SMCP: variants seen among roughly 807,000 people sequenced by gnomAD.
SMCP encodes sperm mitochondria associated cysteine rich protein, also known as sperm mitochondrial-associated cysteine-rich protein.
For synonymous variants in SMCP, 41 were observed against 46.9 expected (o/e 0.87, Z 0.51); for missense variants, 137 against 137.1 (o/e 1.00, Z 0.01).
chr1:152,878,750 T>A lies in SMCP; in HGVS notation c.-21+304T>A, dbSNP rs190905397. On this transcript the variant is annotated intron_variant, in intron 1 of 1. Transcript: ENST00000368765. The stretch of plus-strand genomic sequence containing the variant: ...AAAATGTAATGGGAAGTACAGGGGA[T>A]CCAAGAAAGCCTTTCAGGGAGATGG... Among the ~76,000 whole-genome samples, 416 of 152,290 alleles carry A rather than the reference T, an allele frequency of 2.7e-3. 1 individual carries two copies. Among genetic ancestry groups the A allele is most frequent in the African/African-American group, 9.4e-3 (392 of 41,544 alleles).
intron 1 of SMCP, among the ~76,000 whole-genome samples, chr1:152,881,313 G>A (rs1479432348): frequency 6.6e-6 from 1 of 152,138 alleles, no homozygotes; most frequent in Non-Finnish European, 1.5e-5. Context: ...CACCTGACTG[G>A]AGAATCCTGC....
rs1305557773 is a variant in SMCP at position 152,884,967 on chromosome 1, G to A, written c.*194G>A. The A allele has an allele frequency of 1.7e-6, 1 of 603,056 alleles. No homozygotes were observed. The highest frequency in any genetic ancestry group is 3.0e-6 in the Non-Finnish European group (1 of 334,090). The allele number at this position is 603,056 out of a possible 1,614,324, so 37.4% of individuals were successfully genotyped here. On this transcript the variant is annotated 3_prime_UTR_variant, in exon 2 of 2. Coordinates refer to ENST00000368765, the MANE Select transcript of SMCP (RefSeq NM_030663.3). ...CCTAGGGAGGCCTCCATCTGGAAAT[G>A]GGAGGATGAAGAGGCTAGAATCATC...
chr1:152,882,307 T>C (rs1010012668), intron 1 of SMCP, among the ~76,000 whole-genome samples: 2 of 152,168 alleles, frequency 1.3e-5, no homozygotes, highest in African/African-American at 4.8e-5. Context: ...GAGAGATTTG[T>C]AGCTACTGTC....
At chr1:152,879,592 G>A (rs1648974521) in intron 1 of SMCP, among the ~76,000 whole-genome samples, 1 of 152,166 alleles carries the variant, frequency 6.6e-6, no homozygotes, top group Non-Finnish European at 1.5e-5. Context: ...TTGGACAGGA[G>A]CCAGGGTTCT....
At chr1:152,881,223 C>T (rs190646429) in intron 1 of SMCP, among the ~76,000 whole-genome samples, 14 of 152,166 alleles carry the variant, frequency 9.2e-5, no homozygotes, top group African/African-American at 2.4e-4. Context: ...TCAGGATAGC[C>T]ACAGCCCTGG....
chr1:152,882,195 C>T (rs7542656), intron 1 of SMCP, among the ~76,000 whole-genome samples: 17,981 of 151,952 alleles, frequency 0.12, 2,666 homozygotes, highest in East Asian at 0.52. Context: ...GGTTCTGAAC[C>T]CCCGACCTCA....
intron 1 of SMCP, 24 bp from the exon 2 acceptor site, chr1:152,884,379 G>A: frequency 6.3e-7 from 1 of 1,592,808 alleles, no homozygotes; most frequent in Non-Finnish European, 8.6e-7. Flanking sequence ...TCCTTCTGAT[G>A]AGAATATTAT....
chr1:152,880,140 CA>C (rs1457846971), intron 1 of SMCP, among the ~76,000 whole-genome samples: 4 of 152,018 alleles, frequency 2.6e-5, no homozygotes, highest in Non-Finnish European at 5.9e-5. Flanking sequence ...AAAAAAATAG[CA>C]AAAGGCAAAA....
chr1:152,882,299 G>A (rs946994370), intron 1 of SMCP, among the ~76,000 whole-genome samples: 1 of 152,152 alleles, frequency 6.6e-6, no homozygotes, highest in African/African-American at 2.4e-5. Context: ...AATGTGAGGA[G>A]AGATTTGTAG....
At chr1:152,878,532 G>C (rs1311632658) in intron 1 of SMCP, 86 bp downstream of exon 1, 3 of 152,560 alleles carry the variant, frequency 2.0e-5, no homozygotes, top group Admixed American at 6.6e-5. Flanking sequence ...TACCTACTGA[G>C]ACCCATGCAA....
At position 152,884,720 on chromosome 1, in the gene SMCP, C is replaced by A. The variant is rs11549986; in HGVS notation, c.298C>A (p.Gln100Lys). Residue 100 changes from glutamine (Q) to lysine (K), a missense_variant, in exon 2 of 2, where the codon CAA becomes AAA. By Grantham distance (53) the Gln-to-Lys change is moderately conservative. Coordinates refer to ENST00000368765, the MANE Select transcript of SMCP (RefSeq NM_030663.3). ...ACCGCAAACTCAGGACAAGGGCTGTCAAACCCAGCAGCAGCCCCATAGCCC... is the reference window on the plus strand; with the variant it reads ...ACCGCAAACTCAGGACAAGGGCTGTAAAACCCAGCAGCAGCCCCATAGCCC... The part of the protein sequence containing the change: ...NSPQTQDKGC[Q>K]TQQQPHSPQN... 6.2e-7 allele frequency: 1 copy of A among 1,614,064 alleles called. No individual in the cohort carries two copies. Among genetic ancestry groups the A allele is most frequent in the Non-Finnish European group, 8.5e-7 (1 of 1,180,046 alleles).
At chr1:152,878,760 C>A (rs947791337) in intron 1 of SMCP, among the ~76,000 whole-genome samples, 2 of 152,140 alleles carry the variant, frequency 1.3e-5, no homozygotes, top group Non-Finnish European at 2.9e-5. Flanking sequence ...TCCAAGAAAG[C>A]CTTTCAGGGA....
At chr1:152,881,839 A>G (rs887179213) in intron 1 of SMCP, among the ~76,000 whole-genome samples, 8 of 152,250 alleles carry the variant, frequency 5.3e-5, no homozygotes, top group Non-Finnish European at 1.2e-4. Context: ...CCTTCTTCAC[A>G]TAGTGGTGGG....
intron 1 of SMCP, among the ~76,000 whole-genome samples, chr1:152,878,932 T>G (rs1648952517): frequency 6.6e-6 from 1 of 152,058 alleles, no homozygotes. Context: ...GGTGAGAAAA[T>G]TCAGCAGGTG....
rs1303017544 is a variant in SMCP, at chr1:152,884,730, A to G, written c.308A>G (p.Gln103Arg). 6 of 1,614,260 alleles carry G rather than the reference A, an allele frequency of 3.7e-6. No individual in the cohort carries two copies. The South Asian group carries it at 5.5e-5, about 15-fold the overall frequency. ...QTQDKGCQTQ[Q>R]QPHSPQNESR... The stretch of plus-strand genomic sequence containing the variant: ...CAGGACAAGGGCTGTCAAACCCAGC[A>G]GCAGCCCCATAGCCCACAAAATGAG... The change falls in exon 2 of 2, where the codon CAG becomes CGG. Residue 103 changes from glutamine to arginine, a missense_variant. Transcript: ENST00000368765.
chr1:152,883,401 A>G (rs1410773508), intron 1 of SMCP, among the ~76,000 whole-genome samples: 1 of 152,162 alleles, frequency 6.6e-6, no homozygotes, highest in Non-Finnish European at 1.5e-5. Context: ...TCCTCTCATC[A>G]TGTGCCATAG....
At chr1:152,881,962 T>G (rs1267919581) in intron 1 of SMCP, among the ~76,000 whole-genome samples, 1 of 152,120 alleles carries the variant, frequency 6.6e-6, no homozygotes, top group Non-Finnish European at 1.5e-5. Context: ...AATTATTTTA[T>G]TTTATTTTAT....
intron 1 of SMCP, among the ~76,000 whole-genome samples, chr1:152,884,122 G>A (rs1356028118): frequency 6.6e-6 from 1 of 152,226 alleles, no homozygotes; most frequent in Non-Finnish European, 1.5e-5. Flanking sequence ...GGGTCAAACT[G>A]TTTGCTCATT....
At chr1:152,880,611 G>A (rs1649003417) in intron 1 of SMCP, among the ~76,000 whole-genome samples, 1 of 152,110 alleles carries the variant, frequency 6.6e-6, no homozygotes, top group African/African-American at 2.4e-5. Context: ...GACCTAGAAG[G>A]AGCAATAGGG....
Sources: allele counts gnomAD v4.1 joint callset (sites outside exome capture counted in the v4.1 genomes callset), GRCh38; gene constraint gnomAD v4.1.1; transcripts MANE v1.5; gene names NCBI Gene and HGNC (gene_info 2026-07-23, HGNC 2026-07-21).